The following MYRIP variants were observed in gnomAD, a reference collection of about 807,000 sequenced individuals.
MYRIP encodes the protein myosin VIIA and Rab interacting protein, also known as rab effector MyRIP.
In MYRIP, 49 loss-of-function variants were observed where a neutral mutation model predicts 98.0. The observed-to-expected ratio is 0.50, with a 90% CI of 0.40 to 0.63. MYRIP has a LOEUF of 0.63. Ranked by LOEUF, MYRIP falls within the 30% of genes least tolerant of loss-of-function variation. The probability of loss-of-function intolerance (pLI) is 0.00; values close to 1 mark genes in which losing one functional copy is unlikely to be tolerated. For synonymous variants in MYRIP, 404 were observed against 409.5 expected, an observed-to-expected ratio of 0.99 and a Z score of 0.16; for missense variants, 1,004 against 1,058.2, an observed-to-expected ratio of 0.95 and a Z score of 0.71.
intron 12 of MYRIP, chr3:40,238,487 T>TGTC (rs1469270753): frequency 2.0e-5 from 3 of 152,216 alleles, no homozygotes; most frequent in African/African-American, 7.2e-5. Flanking sequence ...ACCTAGGGAC[T>TGTC]GTCAGAAATA....
In MYRIP at chr3:40,202,485, G is replaced by C. The variant is rs190744141; in HGVS notation, c.1666-7369G>C. 2.0e-3 allele frequency among the ~76,000 whole-genome samples: 306 copies of C among 152,242 alleles called. 2 individuals are homozygous for C. Among genetic ancestry groups the C allele is most frequent in the African/African-American group, 6.9e-3 (288 of 41,532 alleles). ...CACAGTGTTCTAAGGAAATCTCAGGGTATTCATCTCCAGAAAGAATTCTAG... is the reference window on the plus strand; with the variant it reads ...CACAGTGTTCTAAGGAAATCTCAGGCTATTCATCTCCAGAAAGAATTCTAG... On this transcript the variant is annotated intron_variant, in intron 10 of 16. Coordinates refer to ENST00000302541, the MANE Select transcript of MYRIP (RefSeq NM_015460.4).
chr3:39,984,912 T>C (rs1360007768), intron 2 of MYRIP, among the ~76,000 whole-genome samples: 10 of 151,394 alleles, frequency 6.6e-5, no homozygotes, highest in South Asian at 2.1e-4. Flanking sequence ...TTTTAATGAT[T>C]GCCATTCTAA....
intron 2 of MYRIP, among the ~76,000 whole-genome samples, chr3:39,933,536 C>CT (rs748911372): frequency 6.6e-6 from 1 of 152,198 alleles, no homozygotes; most frequent in Non-Finnish European, 1.5e-5. Flanking sequence ...AGGAGAAACT[C>CT]TGAGAAGAAG....
chr3:39,938,119 T>C (rs1456828846), intron 2 of MYRIP, among the ~76,000 whole-genome samples: 1 of 152,174 alleles, frequency 6.6e-6, no homozygotes, highest in Non-Finnish European at 1.5e-5. Context: ...GTGAACTGTC[T>C]GAGTTTCATA....
intron 2 of MYRIP, among the ~76,000 whole-genome samples, chr3:39,924,629 G>A (rs1342100687): frequency 6.6e-6 from 1 of 151,940 alleles, no homozygotes; most frequent in Non-Finnish European, 1.5e-5. Context: ...GTCAAGCAAC[G>A]AGATTTAATG....
intron 2 of MYRIP, among the ~76,000 whole-genome samples, chr3:40,014,435 C>G (rs1170947083): frequency 6.6e-6 from 1 of 152,146 alleles, no homozygotes; most frequent in Admixed American, 6.5e-5. Context: ...GCAGAACATC[C>G]CCTGGGATCT....
intron 3 of MYRIP, among the ~76,000 whole-genome samples, chr3:40,078,148 C>T (rs993800258): frequency 4.6e-5 from 7 of 152,244 alleles, no homozygotes; most frequent in Admixed American, 2.6e-4. Context: ...ACCCAGTACA[C>T]CCTCCGCAGC....
At position 39,988,180 on chromosome 3, in the gene MYRIP, A is replaced by G. The variant is rs193208093; in HGVS notation, c.111-55870A>G. ...TGTTGTGGGGTGGGGGAAGGGGGAA[A>G]GGATAGCATTAGGAGATATACCTAA... On this transcript the variant is annotated intron_variant, in intron 2 of 16. Transcript: ENST00000302541. Among the ~76,000 whole-genome samples the G allele has an allele frequency of 2.7e-3, 409 of 152,246 alleles. 1 individual carries two copies. The highest frequency in any genetic ancestry group is 8.9e-3 in the African/African-American group (368 of 41,544).
intron 16 of MYRIP, among the ~76,000 whole-genome samples, 199 bp from the exon 17 acceptor site, chr3:40,257,935 C>CAAAT (rs1023630189): frequency 6.6e-6 from 1 of 152,140 alleles, no homozygotes; most frequent in African/African-American, 2.4e-5. Context: ...TACCTTATTC[C>CAAAT]AAATACCAAA....
chr3:39,857,404 A>G (rs954254511), intron 1 of MYRIP, among the ~76,000 whole-genome samples: 2 of 152,226 alleles, frequency 1.3e-5, no homozygotes, highest in African/African-American at 4.8e-5. Flanking sequence ...TGAAAAGTTC[A>G]AAGAGAAATC....
intron 2 of MYRIP, among the ~76,000 whole-genome samples, chr3:39,937,322 ATGT>A (rs1302800565): frequency 2.0e-5 from 3 of 152,228 alleles, no homozygotes; most frequent in Admixed American, 6.6e-5. Context: ...CTGTCAAACC[ATGT>A]TGTTCTTATT....
rs62264383 is a variant in MYRIP, at chr3:39,973,599, G to A, written c.111-70451G>A. On this transcript the variant is annotated intron_variant, in intron 2 of 16. Transcript: ENST00000302541. ...TCCACCCCAAAACAACAGAATATAC[G>A]TTCTTCTCAGCACCACACCACACTT... Among the ~76,000 whole-genome samples the A allele has an allele frequency of 3.3e-5, 5 of 152,024 alleles. No individual in the cohort carries two copies. The East Asian group carries it at 5.8e-4, about 18-fold the overall frequency.
chr3:39,866,133 T>G (rs992059028), intron 1 of MYRIP, among the ~76,000 whole-genome samples: 1 of 151,836 alleles, frequency 6.6e-6, no homozygotes, highest in African/African-American at 2.4e-5. Flanking sequence ...TGAGTACATA[T>G]GGACACAAAG....
intron 1 of MYRIP, among the ~76,000 whole-genome samples, chr3:39,817,157 A>G (rs1005390307): frequency 6.6e-5 from 10 of 152,242 alleles, no homozygotes; most frequent in Non-Finnish European, 1.5e-4. Context: ...CGTGAAACTG[A>G]TGAAACTAGG....
intron 16 of MYRIP, 104 bp downstream of exon 16, chr3:40,252,103 T>G: frequency 1.2e-6 from 1 of 868,880 alleles, no homozygotes; most frequent in Non-Finnish European, 1.8e-6. Flanking sequence ...CCCCAAAAAG[T>G]ATCCTTCCTC....
chr3:40,006,667 T>G (rs1474552863), intron 2 of MYRIP, among the ~76,000 whole-genome samples: 1 of 152,218 alleles, frequency 6.6e-6, no homozygotes, highest in Admixed American at 6.5e-5. Flanking sequence ...GTTTTCATGT[T>G]AAATGTTGAT....
At chr3:39,884,147 T>A (rs1427941707) in intron 1 of MYRIP, among the ~76,000 whole-genome samples, 3 of 151,998 alleles carry the variant, frequency 2.0e-5, no homozygotes, top group African/African-American at 7.2e-5. Context: ...CAGTAGAATA[T>A]CTGGAAGACC....
At position 39,828,322 on chromosome 3, in the gene MYRIP, A is replaced by T. The variant is rs1044146175; in HGVS notation, c.-31+18406A>T. Reference sequence around the variant, plus strand: ...TTTTTTTGTCTGCCTGACTTATTTTAAAAAACTTATCTTTAAGTTCAGAAA... The same window carrying T: ...TTTTTTTGTCTGCCTGACTTATTTTTAAAAACTTATCTTTAAGTTCAGAAA... On this transcript the variant is annotated intron_variant, in intron 1 of 16. Transcript: ENST00000302541. Among the ~76,000 whole-genome samples, 3 of 151,850 alleles carry T rather than the reference A, an allele frequency of 2.0e-5. No homozygotes were observed. The East Asian group carries it at 5.8e-4, about 29-fold the overall frequency.
Position 39,995,779 on chromosome 3 carries a change from C to A in MYRIP, c.111-48271C>A, listed in dbSNP as rs545670999. Among the ~76,000 whole-genome samples, 890 of 152,180 alleles carry A rather than the reference C, an allele frequency of 5.8e-3. 9 individuals carry two copies. The highest frequency in any genetic ancestry group is 0.02 in the African/African-American group (825 of 41,530). ...ATGAAGGAAAAAATGTTAAGGGCAG[C>A]CAGAGAGAAAGGTCGGGTTACCCAC... On this transcript the variant is annotated intron_variant, in intron 2 of 16. Transcript: ENST00000302541.
Sources: gnomAD v4.1 joint callset for allele counts (sites outside exome capture counted in the v4.1 genomes callset) on GRCh38, gnomAD v4.1.1 for gene constraint, MANE v1.5 for transcripts, NCBI Gene and HGNC (gene_info 2026-07-23, HGNC 2026-07-21) for gene names.